The following ADAMTS2 variants were observed in gnomAD, a reference collection of about 807,000 sequenced individuals.
The protein encoded by ADAMTS2 is ADAM metallopeptidase with thrombospondin type 1 motif 2.
In ADAMTS2, 50 loss-of-function variants were observed where a neutral mutation model predicts 123.0. That is an observed-to-expected ratio of 0.41 (90% CI 0.32 to 0.51). The LOEUF is 0.51. ADAMTS2 is among the 20% of genes least tolerant of loss of function. The probability of loss-of-function intolerance (pLI) is 0.35; values close to 1 mark genes in which losing one functional copy is unlikely to be tolerated. For missense variants in ADAMTS2, 1,494 were observed against 1,705.2 expected, an observed-to-expected ratio of 0.88 and a Z score of 2.18; for synonymous variants, 678 against 695.4, an observed-to-expected ratio of 0.98 and a Z score of 0.39.
intron 3 of ADAMTS2, among the ~76,000 whole-genome samples, chr5:179,237,217 C>T (rs74551133): frequency 0.095 from 14,484 of 152,202 alleles, 2,165 homozygotes; most frequent in African/African-American, 0.32. Context: ...GAGCTAGGAT[C>T]GTGCCACTGC....
At chr5:179,235,839 C>A (rs970428331) in intron 3 of ADAMTS2, among the ~76,000 whole-genome samples, 2 of 152,210 alleles carry the variant, frequency 1.3e-5, no homozygotes, top group Non-Finnish European at 2.9e-5. Flanking sequence ...ACTGGGATTG[C>A]TCCAACAGTG....
At chr5:179,200,512 G>A (rs535864198) in intron 4 of ADAMTS2, among the ~76,000 whole-genome samples, 3 of 152,250 alleles carry the variant, frequency 2.0e-5, no homozygotes, top group South Asian at 2.1e-4. Context: ...GCCTCCCAAA[G>A]TCCTAGGATT....
rs1231511100 is a variant in ADAMTS2 at position 179,175,053 on chromosome 5, T to C, written c.975+6019A>G. On this transcript the variant is annotated intron_variant, in intron 5 of 21. Transcript: ENST00000251582. This position sits in a 1 kb window ranked among gnomAD's most constrained non-coding sequence, Gnocchi z 4.1. Reference sequence around the variant, plus strand: ...CAGCTGTCTCAGCCATTCTTGACCGTTCATGTTCCTTTGGAGGAAGTCTCT... The same window carrying C: ...CAGCTGTCTCAGCCATTCTTGACCGCTCATGTTCCTTTGGAGGAAGTCTCT... Among the ~76,000 whole-genome samples, 2 of 150,644 alleles carry C rather than the reference T, an allele frequency of 1.3e-5. No homozygotes were observed. Among genetic ancestry groups the C allele is most frequent in the Non-Finnish European group, 2.9e-5 (2 of 67,844 alleles).
intron 21 of ADAMTS2, among the ~76,000 whole-genome samples, chr5:179,119,330 T>C (rs772040490): frequency 1.3e-5 from 2 of 152,232 alleles, no homozygotes; most frequent in Non-Finnish European, 2.9e-5. Flanking sequence ...CCCGGCCCTA[T>C]GCCCAAGGCC....
chr5:179,267,095 A>G (rs1323491404), intron 3 of ADAMTS2, among the ~76,000 whole-genome samples: 2 of 152,064 alleles, frequency 1.3e-5, no homozygotes, highest in Non-Finnish European at 2.9e-5. Context: ...CCCAGGGGGA[A>G]CTGTCATGCC....
rs988335759 is a variant in ADAMTS2, at chr5:179,260,378, G to T, written c.688+12533C>A. ...GCTGCAAATTCCACTGTAAGCAAAAGATTCTCCCCGAAGCTAACGTGCTAA... is the reference window on the plus strand; with the variant it reads ...GCTGCAAATTCCACTGTAAGCAAAATATTCTCCCCGAAGCTAACGTGCTAA... On this transcript the variant is annotated intron_variant, in intron 3 of 21. Transcript: ENST00000251582. This position sits in a 1 kb window ranked among gnomAD's most constrained non-coding sequence, Gnocchi z 4.2. Among the ~76,000 whole-genome samples, 1 of 152,222 alleles carries T rather than the reference G, an allele frequency of 6.6e-6. No homozygotes were observed. The highest frequency in any genetic ancestry group is 2.1e-4 in the South Asian group (1 of 4,834).
chr5:179,223,738 T>C (rs1765202524), intron 3 of ADAMTS2, among the ~76,000 whole-genome samples: 1 of 152,174 alleles, frequency 6.6e-6, no homozygotes, highest in Admixed American at 6.5e-5. Flanking sequence ...ATTCATCACA[T>C]GTGAGTGTAT....
At chr5:179,243,034 T>C (rs1765703711) in intron 3 of ADAMTS2, among the ~76,000 whole-genome samples, 1 of 151,814 alleles carries the variant, frequency 6.6e-6, no homozygotes, top group African/African-American at 2.4e-5. Flanking sequence ...AGAGGCTACC[T>C]CCTGCCCAAT....
chr5:179,343,989 C>G lies in ADAMTS2; in HGVS notation c.312G>C (p.Glu104Asp), dbSNP rs781264319. 1 of 1,612,700 alleles carries G rather than the reference C, an allele frequency of 6.2e-7. No homozygotes were observed. Among genetic ancestry groups the G allele is most frequent in the South Asian group, 1.1e-5 (1 of 91,024 alleles). ...TPSFPGGNEEEPGSHLFYNVT... is the reference protein window; with the variant it reads ...TPSFPGGNEEDPGSHLFYNVT... ...CATTGTAGAAGAGGTGACTGCCAGG[C>G]TCCTCCTCGTTGCCTCCGGGGAAGC... is the stretch of plus-strand genomic sequence containing the variant. Residue 104 changes from glutamate to aspartate, a missense_variant, in exon 2 of 22, where the codon GAG (glutamate) becomes GAC (aspartate). Coordinates refer to ENST00000251582, the MANE Select transcript of ADAMTS2 (RefSeq NM_014244.5).
chr5:179,204,250 T>A (rs252062), intron 4 of ADAMTS2, among the ~76,000 whole-genome samples: 57,703 of 152,010 alleles, frequency 0.38, 11,399 homozygotes, highest in East Asian at 0.7. Flanking sequence ...AGATGAAGAG[T>A]TCTGTGGACG....
At chr5:179,116,260 A>ACCCCCCCCCCCCCCCCCCCCCCCCCCCGC (rs146306326) in intron 21 of ADAMTS2, among the ~76,000 whole-genome samples, 1 of 93,778 alleles carries the variant, frequency 1.1e-5, no homozygotes, top group African/African-American at 4.0e-5. Flanking sequence ...TGACCACGGC[A>ACCCCCCCCCCCCCCCCCCCCCCCCCCCGC]CCCCCCCCCC....
rs561618726 is a variant in ADAMTS2 at position 179,271,508 on chromosome 5, G to A, written c.688+1403C>T. On this transcript the variant is annotated intron_variant, in intron 3 of 21. Coordinates refer to ENST00000251582, the MANE Select transcript of ADAMTS2 (RefSeq NM_014244.5). ...AGCTGGGGCCCTGCCCCCGGGTCTGGAGCACTCGCTCAGCCCCTTCCACGC... is the reference window on the plus strand; with the variant it reads ...AGCTGGGGCCCTGCCCCCGGGTCTGAAGCACTCGCTCAGCCCCTTCCACGC... Among the ~76,000 whole-genome samples, 38 of 152,348 alleles carry A rather than the reference G, an allele frequency of 2.5e-4. 1 individual carries two copies. The highest frequency in any genetic ancestry group is 2.0e-3 in the Admixed American group (30 of 15,304).
chr5:179,230,294 G>A (rs564711650), intron 3 of ADAMTS2, among the ~76,000 whole-genome samples: 8 of 152,284 alleles, frequency 5.3e-5, no homozygotes, highest in African/African-American at 1.7e-4. Flanking sequence ...CAGAAAGTGC[G>A]GTCTGGACAT....
At chr5:179,263,540 G>A (rs1443120088) in intron 3 of ADAMTS2, among the ~76,000 whole-genome samples, 1 of 152,350 alleles carries the variant, frequency 6.6e-6, no homozygotes, top group East Asian at 1.9e-4. Flanking sequence ...GGCTCTCTCT[G>A]GGTGTGCCGA....
Position 179,344,177 on chromosome 5 carries a change from G to A in ADAMTS2, c.140-16C>T. 1 of 1,584,552 alleles carries A rather than the reference G, an allele frequency of 6.3e-7. No homozygotes were observed. Among genetic ancestry groups the A allele is most frequent in the Middle Eastern group, 1.9e-4 (1 of 5,252 alleles). ...AGGGGCCCGCCTGCAACGGGAAGGG[G>A]CGTTAGATCGGCGGAGACCACGGAG... is the stretch of plus-strand genomic sequence containing the variant. On this transcript the variant is annotated splice_polypyrimidine_tract_variant and intron_variant, in intron 1 of 21. Transcript: ENST00000251582.
intron 3 of ADAMTS2, among the ~76,000 whole-genome samples, chr5:179,208,138 G>A (rs1475230304): frequency 9.8e-6 from 1 of 101,662 alleles, no homozygotes; most frequent in Non-Finnish European, 2.7e-5. Flanking sequence ...GGAGTGGGCA[G>A]AGCCACCCCT....
intron 3 of ADAMTS2, among the ~76,000 whole-genome samples, chr5:179,246,915 G>A (rs929609710): frequency 2.0e-5 from 3 of 152,080 alleles, no homozygotes; most frequent in Admixed American, 1.3e-4. Flanking sequence ...AACAAGCCCT[G>A]GGAAGTGGGG....
chr5:179,268,593 G>A (rs1279586334), intron 3 of ADAMTS2, among the ~76,000 whole-genome samples: 1 of 152,246 alleles, frequency 6.6e-6, no homozygotes, highest in Non-Finnish European at 1.5e-5. Flanking sequence ...TGGCTTCTCT[G>A]TGCACGTGGT....
In ADAMTS2 at chr5:179,120,012, G is replaced by A. The variant is rs138850872; in HGVS notation, c.3178+1649C>T. ...GGAGGGGAGATACACCTTTCAGGGG[G>A]AGGGGCCCTAAATATCTATGTTGGG... On this transcript the variant is annotated intron_variant, in intron 21 of 21. Transcript: ENST00000251582. Among the ~76,000 whole-genome samples the A allele has an allele frequency of 7.2e-4, 109 of 152,228 alleles. 1 individual carries two copies. In the East Asian group the frequency reaches 0.02, roughly 28 times the overall value.
Sources: allele counts gnomAD v4.1 joint callset (sites outside exome capture counted in the v4.1 genomes callset), GRCh38; gene constraint gnomAD v4.1.1; non-coding constraint Gnocchi (gnomAD v3.1); transcripts MANE v1.5; gene names NCBI Gene and HGNC (gene_info 2026-07-23, HGNC 2026-07-21).